The following MTUS2 variants were observed in gnomAD, a reference collection of about 807,000 sequenced individuals.
MTUS2 encodes the protein microtubule-associated tumor suppressor candidate 2.
MTUS2 carries 40 observed loss-of-function variants against 114.1 expected under a neutral mutation model. The observed-to-expected ratio is 0.35, with a 90% CI of 0.27 to 0.46. The LOEUF (loss-of-function observed/expected upper bound fraction) is 0.46, where lower values mean the gene tolerates loss of function less well. Among genes scored for constraint, MTUS2 ranks in the 20% least tolerant of loss-of-function variants. The pLI, the probability that MTUS2 is intolerant of heterozygous loss-of-function variation, is 1.00. For synonymous variants in MTUS2, 688 were observed against 672.0 expected, an observed-to-expected ratio of 1.02 and a Z score of -0.37; for missense variants, 1,679 against 1,705.4, an observed-to-expected ratio of 0.98 and a Z score of 0.27.
chr13:29,127,917 C>T (rs950297147), intron 5 of MTUS2, among the ~76,000 whole-genome samples: 4 of 152,180 alleles, frequency 2.6e-5, no homozygotes, highest in East Asian at 1.9e-4. Context: ...GCACATACCT[C>T]GCAAAGTGCT....
Position 29,146,761 on chromosome 13 carries a change from T to A in MTUS2, c.2644+45791T>A, listed in dbSNP as rs577190563. Reference sequence around the variant, plus strand: ...CATTGTCTTGGTGAAGTTGAGTATATTAATCCTACATAGACCTGAGTTAAC... The same window carrying A: ...CATTGTCTTGGTGAAGTTGAGTATAATAATCCTACATAGACCTGAGTTAAC... On this transcript the variant is annotated intron_variant, in intron 5 of 15. Transcript: ENST00000612955. 5.3e-5 allele frequency among the ~76,000 whole-genome samples: 8 copies of A among 152,334 alleles called. No individual in the cohort carries two copies. In the East Asian group the frequency reaches 1.5e-3, roughly 29 times the overall value.
intron 8 of MTUS2, among the ~76,000 whole-genome samples, chr13:29,398,953 T>A (rs1874119867): frequency 6.6e-6 from 1 of 151,884 alleles, no homozygotes; most frequent in Non-Finnish European, 1.5e-5. Context: ...CAAGAGAGGG[T>A]TCTTGGATCT....
rs958541093 is a variant in MTUS2 at position 29,504,868 on chromosome 13, G to A, written c.*1662G>A. ...TGCAGGGGCCGGAGCCATGGAACGG[G>A]GAAGAAAACAGCCCGCGGACGGGGT... On this transcript the variant is annotated 3_prime_UTR_variant, in exon 16 of 16. Coordinates refer to ENST00000612955, the MANE Select transcript of MTUS2 (RefSeq NM_001033602.4). 1.7e-5 allele frequency: 4 copies of A among 232,574 alleles called. No individual in the cohort carries two copies. Among genetic ancestry groups the A allele is most frequent in the Non-Finnish European group, 3.4e-5 (4 of 117,754 alleles). The allele number at this position is 232,574 out of a possible 1,614,324, so 14.4% of individuals were successfully genotyped here.
chr13:28,992,369 A>G (rs951951181), intron 2 of MTUS2, among the ~76,000 whole-genome samples: 1 of 152,198 alleles, frequency 6.6e-6, no homozygotes. Context: ...GAGCCAAAAG[A>G]CAGCAGATAA....
In MTUS2 at chr13:28,982,714, C is replaced by T. The variant is rs561409198; in HGVS notation, c.-242-41743C>T. 2.6e-5 allele frequency among the ~76,000 whole-genome samples: 4 copies of T among 152,276 alleles called. No individual in the cohort carries two copies. In the South Asian group the frequency reaches 6.2e-4, roughly 24 times the overall value. ...CAGCCTTGGGAAGGAAATTCTGACA[C>T]GTGCTACAACATGGATGAACCTTGA... On this transcript the variant is annotated intron_variant, in intron 2 of 15. Transcript: ENST00000612955.
intron 5 of MTUS2, among the ~76,000 whole-genome samples, chr13:29,276,444 C>A (rs961963943): frequency 6.6e-6 from 1 of 152,164 alleles, no homozygotes; most frequent in Non-Finnish European, 1.5e-5. Flanking sequence ...CACTGTTCAG[C>A]AGTGAAGCAA....
intron 2 of MTUS2, among the ~76,000 whole-genome samples, chr13:28,957,504 C>A (rs138891122): frequency 9.2e-5 from 14 of 152,210 alleles, no homozygotes; most frequent in African/African-American, 3.1e-4. Context: ...GACTTTTTTT[C>A]TTGTCACTCT....
At chr13:29,397,062 GA>G (rs552681744) in intron 8 of MTUS2, among the ~76,000 whole-genome samples, 100 of 152,304 alleles carry the variant, frequency 6.6e-4, no homozygotes, top group African/African-American at 2.3e-3. Flanking sequence ...GCAGGATAGG[GA>G]AATGGCAGGG....
intron 9 of MTUS2, among the ~76,000 whole-genome samples, chr13:29,456,386 T>G (rs1879112407): frequency 6.6e-6 from 1 of 152,148 alleles, no homozygotes; most frequent in South Asian, 2.1e-4. Context: ...CTAACAGATG[T>G]GTAACTGAGT....
At chr13:28,903,894 C>T (rs1300421813) in intron 2 of MTUS2, among the ~76,000 whole-genome samples, 1 of 152,102 alleles carries the variant, frequency 6.6e-6, no homozygotes, top group Non-Finnish European at 1.5e-5. Flanking sequence ...TAAAAGTGTT[C>T]CTATTTCTCC....
At chr13:29,376,593 A>G (rs1405028232) in intron 8 of MTUS2, among the ~76,000 whole-genome samples, 1 of 152,200 alleles carries the variant, frequency 6.6e-6, no homozygotes, top group Admixed American at 6.5e-5. Context: ...AATGATTTCA[A>G]CCAGGGGTGA....
intron 5 of MTUS2, among the ~76,000 whole-genome samples, chr13:29,228,201 A>C (rs1896186934): frequency 6.6e-6 from 1 of 152,250 alleles, no homozygotes; most frequent in Non-Finnish European, 1.5e-5. Flanking sequence ...AATACGTGAT[A>C]AATTGTGGAG....
At chr13:29,407,052 C>T (rs1276175123) in intron 8 of MTUS2, among the ~76,000 whole-genome samples, 1 of 152,156 alleles carries the variant, frequency 6.6e-6, no homozygotes, top group Non-Finnish European at 1.5e-5. Flanking sequence ...TGAGACCAGC[C>T]TGGCCAACAT....
chr13:29,425,690 A>T (rs1876466017), intron 8 of MTUS2, among the ~76,000 whole-genome samples: 2 of 151,342 alleles, frequency 1.3e-5, no homozygotes, highest in South Asian at 4.1e-4. Flanking sequence ...TAAAGAAAAC[A>T]AGGCACAATT....
chr13:28,863,722 G>A (rs368178805), intron 2 of MTUS2, among the ~76,000 whole-genome samples: 3 of 152,074 alleles, frequency 2.0e-5, no homozygotes, highest in East Asian at 3.9e-4. Context: ...TTTAGAGATA[G>A]GATCTCACTC....
chr13:29,378,111 G>C (rs914939791), intron 8 of MTUS2, among the ~76,000 whole-genome samples: 4 of 152,196 alleles, frequency 2.6e-5, no homozygotes, highest in Non-Finnish European at 5.9e-5. Flanking sequence ...CTGGAGGTTA[G>C]AGATGGGGGA....
intron 4 of MTUS2, among the ~76,000 whole-genome samples, chr13:29,094,079 A>G (rs1235510715): frequency 6.6e-6 from 1 of 152,066 alleles, no homozygotes; most frequent in Non-Finnish European, 1.5e-5. Flanking sequence ...GGTATATAAT[A>G]TTTTGTATAT....
chr13:29,373,486 AC>A, intron 8 of MTUS2, among the ~76,000 whole-genome samples: 1 of 152,130 alleles, frequency 6.6e-6, no homozygotes, highest in East Asian at 1.9e-4. Context: ...TGGGAAAATG[AC>A]CCCTTAAATT....
chr13:29,182,008 C>T (rs1228151456), intron 5 of MTUS2, among the ~76,000 whole-genome samples: 2 of 152,146 alleles, frequency 1.3e-5, no homozygotes, highest in African/African-American at 4.8e-5. Context: ...TTTTCTCAGC[C>T]TCCTTTTGCC....
Sources: gnomAD v4.1 joint callset for allele counts (sites outside exome capture counted in the v4.1 genomes callset) on GRCh38, gnomAD v4.1.1 for gene constraint, MANE v1.5 for transcripts, NCBI Gene and HGNC (gene_info 2026-07-23, HGNC 2026-07-21) for gene names.